PTPRD: variants seen among roughly 807,000 people sequenced by gnomAD.
The protein encoded by PTPRD is protein tyrosine phosphatase receptor type D, also known as receptor-type tyrosine-protein phosphatase delta.
PTPRD carries 34 observed loss-of-function variants against 214.5 expected under a neutral mutation model. The observed-to-expected ratio is 0.16, with a 90% CI of 0.12 to 0.21. PTPRD has a LOEUF of 0.21. Ranked by LOEUF, PTPRD falls within the 10% of genes least tolerant of loss-of-function variation. PTPRD has a pLI of 1.00. For missense variants in PTPRD, 2,545 were observed against 2,398.7 expected (o/e 1.06, Z -1.27); for synonymous variants, 1,128 against 845.7 (o/e 1.33, Z -5.79).
intron 14 of PTPRD, among the ~76,000 whole-genome samples, chr9:8,556,782 G>A (rs942476206): frequency 5.3e-5 from 8 of 152,026 alleles, no homozygotes; most frequent in African/African-American, 1.7e-4. Context: ...GAAAATATTT[G>A]AAGTTACAGC....
At chr9:8,850,947 C>T (rs2097796593) in intron 11 of PTPRD, among the ~76,000 whole-genome samples, 1 of 152,126 alleles carries the variant, frequency 6.6e-6, no homozygotes, top group Non-Finnish European at 1.5e-5. Flanking sequence ...TCTTGTTGAC[C>T]TATAAGCAGA....
intron 7 of PTPRD, among the ~76,000 whole-genome samples, chr9:9,672,617 G>C (rs978888808): frequency 1.3e-5 from 2 of 151,970 alleles, no homozygotes; most frequent in Non-Finnish European, 2.9e-5. Flanking sequence ...TTCACATAGA[G>C]AATGAGATTT....
chr9:10,385,256 T>C (rs2097894859), intron 2 of PTPRD, among the ~76,000 whole-genome samples: 1 of 151,916 alleles, frequency 6.6e-6, no homozygotes, highest in African/African-American at 2.4e-5. Flanking sequence ...TATCCTCATG[T>C]TCTGGTTATA....
chr9:10,309,272 T>TA (rs201098930), intron 3 of PTPRD, among the ~76,000 whole-genome samples: 1 of 152,056 alleles, frequency 6.6e-6, no homozygotes, highest in Non-Finnish European at 1.5e-5. Flanking sequence ...CTTCTTCACT[T>TA]AAAAAATGGC....
chr9:9,517,311 G>T (rs145703620), intron 8 of PTPRD, among the ~76,000 whole-genome samples: 105 of 152,118 alleles, frequency 6.9e-4, no homozygotes, highest in African/African-American at 2.4e-3. Flanking sequence ...GTAGGGAGAC[G>T]CCCTGGAAAT....
At chr9:9,430,702 G>A (rs1204260840) in intron 8 of PTPRD, among the ~76,000 whole-genome samples, 1 of 152,120 alleles carries the variant, frequency 6.6e-6, no homozygotes, top group South Asian at 2.1e-4. Flanking sequence ...TACCAAAAGA[G>A]AGATACAGAC....
At chr9:10,113,972 G>C (rs548630499) in intron 3 of PTPRD, among the ~76,000 whole-genome samples, 16 of 152,246 alleles carry the variant, frequency 1.1e-4, no homozygotes, top group African/African-American at 3.4e-4. Context: ...GAAAATTCCA[G>C]TGTCTACTCT....
chr9:9,788,569 A>G (rs1269203802), intron 5 of PTPRD, among the ~76,000 whole-genome samples: 2 of 151,144 alleles, frequency 1.3e-5, no homozygotes, highest in South Asian at 2.1e-4. Flanking sequence ...AAAAAAAGAA[A>G]GAAAAAAAAA....
intron 8 of PTPRD, among the ~76,000 whole-genome samples, chr9:9,442,788 G>A (rs1281389519): frequency 2.6e-5 from 4 of 151,932 alleles, no homozygotes; most frequent in Non-Finnish European, 2.9e-5. Flanking sequence ...TTTTGGCGGT[G>A]GTTTTAATGT....
intron 10 of PTPRD, among the ~76,000 whole-genome samples, chr9:9,139,968 G>T (rs1316299187): frequency 2.0e-5 from 3 of 152,010 alleles, no homozygotes; most frequent in Non-Finnish European, 4.4e-5. Flanking sequence ...TTACGGAAAT[G>T]GTGGGAATAT....
intron 7 of PTPRD, among the ~76,000 whole-genome samples, chr9:9,597,459 C>T (rs968072456): frequency 2.6e-5 from 4 of 151,950 alleles, no homozygotes; most frequent in African/African-American, 9.7e-5. Flanking sequence ...AAAATAAAAA[C>T]ATAATGAAGT....
intron 11 of PTPRD, among the ~76,000 whole-genome samples, chr9:8,964,297 T>G (rs934737576): frequency 4.7e-5 from 7 of 150,078 alleles, no homozygotes; most frequent in African/African-American, 1.7e-4. Context: ...AGATTGTGTG[T>G]TTCCAGGAAT....
intron 2 of PTPRD, among the ~76,000 whole-genome samples, chr9:10,361,310 G>A (rs780408389): frequency 1.3e-5 from 2 of 152,144 alleles, no homozygotes; most frequent in Non-Finnish European, 2.9e-5. Context: ...ATACTCATAA[G>A]AGAAAAGAGT....
At chr9:10,306,900 A>G (rs2096089333) in intron 3 of PTPRD, among the ~76,000 whole-genome samples, 1 of 152,156 alleles carries the variant, frequency 6.6e-6, no homozygotes, top group Non-Finnish European at 1.5e-5. Context: ...TACAAAAATA[A>G]TAAAACCCTA....
chr9:8,732,651 T>C (rs544317392), intron 12 of PTPRD, among the ~76,000 whole-genome samples: 1 of 152,312 alleles, frequency 6.6e-6, no homozygotes, highest in African/African-American at 2.4e-5. Flanking sequence ...CCAGAGAATG[T>C]TGTGCTTAAA....
intron 7 of PTPRD, among the ~76,000 whole-genome samples, chr9:9,609,292 T>C (rs913750605): frequency 3.7e-4 from 56 of 152,172 alleles, no homozygotes; most frequent in African/African-American, 1.3e-3. Context: ...CCGACAACAA[T>C]TCAGTCTGAG....
chr9:10,182,373 G>A (rs2099302452), intron 3 of PTPRD, among the ~76,000 whole-genome samples: 1 of 151,380 alleles, frequency 6.6e-6, no homozygotes, highest in African/African-American at 2.4e-5. Context: ...ATGGATAAAA[G>A]CATCAGAGAA....
chr9:9,549,203 G>A (rs1270517073), intron 8 of PTPRD, among the ~76,000 whole-genome samples: 1 of 151,964 alleles, frequency 6.6e-6, no homozygotes, highest in African/African-American at 2.4e-5. Context: ...AAAAGACATT[G>A]TAAAAAATAA....
chr9:8,690,781 C>T (rs899337527), intron 12 of PTPRD, among the ~76,000 whole-genome samples: 5 of 152,060 alleles, frequency 3.3e-5, no homozygotes, highest in African/African-American at 9.7e-5. Context: ...TAAGAAAACT[C>T]TTTTAGCAAC....
Sources: allele counts gnomAD v4.1 joint callset (sites outside exome capture counted in the v4.1 genomes callset), GRCh38; gene constraint gnomAD v4.1.1; transcripts MANE v1.5; gene names NCBI Gene and HGNC (gene_info 2026-07-23, HGNC 2026-07-21).